Variants in TTN observed in about 807,000 individuals in gnomAD.
The protein encoded by TTN is titin.
Under a neutral mutation model 3,223.0 loss-of-function variants are expected in TTN, and 1,525 were observed. The ratio of observed to expected loss-of-function variants is 0.47; its 90% CI spans 0.45 to 0.49. The LOEUF is 0.49. Among genes scored for constraint, TTN ranks in the 20% least tolerant of loss-of-function variants. The pLI, the probability that TTN is intolerant of heterozygous loss-of-function variation, is 0.00. For missense variants in TTN, 40,786 were observed against 43,424.0 expected, an observed-to-expected ratio of 0.94 and a Z score of 5.40; for synonymous variants, 14,094 against 15,161.0, an observed-to-expected ratio of 0.93 and a Z score of 5.17.
chr2:178,707,924 TGTA>T (rs1184183378), intron 99 of TTN, 111 bp from the exon 100 acceptor site: 18 of 1,094,544 alleles, frequency 1.6e-5, no homozygotes, highest in Non-Finnish European at 2.0e-5. Flanking sequence ...ACACTGTTGC[TGTA>T]GTAGGACAGA....
chr2:178,757,667 G>C lies in TTN; in HGVS notation c.10553C>G (p.Ser3518Cys), dbSNP rs1277243327. The C allele has an allele frequency of 6.2e-7, 1 of 1,613,844 alleles. No individual in the cohort carries two copies. Among genetic ancestry groups the C allele is most frequent in the South Asian group, 1.1e-5 (1 of 91,074 alleles). The change falls in exon 45 of 363, where the codon TCC becomes TGC. Residue 3518 changes from serine (S) to cysteine (C), a missense_variant. By Grantham distance (112) the Ser-to-Cys change is moderately radical (BLOSUM62 -1). Transcript: ENST00000589042. ...TKDVVFHFEESTGMALMLIVD... is the reference protein window; with the variant it reads ...TKDVVFHFEECTGMALMLIVD... ...TATAAGCATTAAAGCCATGCCTGTGGACTCCTCAAAATGGAAAACTACATC... is the reference window on the plus strand; with the variant it reads ...TATAAGCATTAAAGCCATGCCTGTGCACTCCTCAAAATGGAAAACTACATC...
chr2:178,623,010 G>T (rs1215555669), intron 242 of TTN, among the ~76,000 whole-genome samples: 1 of 151,888 alleles, frequency 6.6e-6, no homozygotes, highest in Non-Finnish European at 1.5e-5. Flanking sequence ...ATGTGTGTGT[G>T]TACAGTATAT....
Position 178,705,333 on chromosome 2 carries a change from A to T in TTN, c.29445T>A (p.Ala9815=). 1 of 1,600,018 alleles carries T rather than the reference A, an allele frequency of 6.2e-7. No individual in the cohort carries two copies. ...LKKTPILKKG[A]GEEEEIDIME... ...TGATATCAATTTCCTCTTCTTCTCCAGCTCCTTTCTTTAAGATTGGAGTCC... is the reference window on the plus strand; with the variant it reads ...TGATATCAATTTCCTCTTCTTCTCCTGCTCCTTTCTTTAAGATTGGAGTCC... The change falls in exon 103 of 363, where the codon GCT becomes GCA. Residue 9815 remains alanine (A), a synonymous_variant. Coordinates refer to ENST00000589042, the MANE Select transcript of TTN (RefSeq NM_001267550.2).
Position 178,773,185 on chromosome 2 carries a change from A to G in TTN, c.7779T>C (p.Asn2593=), listed in dbSNP as rs776560501. 68 of 1,613,622 alleles carry G rather than the reference A, an allele frequency of 4.2e-5. No individual in the cohort carries two copies. Among genetic ancestry groups the G allele is most frequent in the Non-Finnish European group, 5.6e-5 (66 of 1,179,866 alleles). The change falls in exon 33 of 363, where the codon AAT becomes AAC. Residue 2593 remains asparagine, a synonymous_variant. Coordinates refer to ENST00000589042, the MANE Select transcript of TTN (RefSeq NM_001267550.2). ...ATTTTCCTTCATCATCTTTCATCAT[A>G]TTTAGAACTGTCAATTTATATATTT... ...HGKIYKLTVL[N]MMKDDEGKYT... is the part of the protein sequence containing the mutation.
rs775769975 is a variant in TTN, at chr2:178,547,481, C to T, written c.94145G>A (p.Arg31382His). Residue 31382 changes from arginine (R) to histidine (H), a missense_variant, in exon 339 of 363, where the codon CGT becomes CAT. Coordinates refer to ENST00000589042, the MANE Select transcript of TTN (RefSeq NM_001267550.2). ...ACCAAATCTGTTCTCTGAACTGACA[C>T]GGAAAGAATATTCCATGTATTTTGT... The part of the protein sequence containing the change: ...HLTKYMEYSF[R>H]VSSENRFGVS... 4.5e-5 allele frequency: 72 copies of T among 1,612,578 alleles called. No individual in the cohort carries two copies. Among genetic ancestry groups the T allele is most frequent in the East Asian group, 1.1e-4 (5 of 44,710 alleles).
chr2:178,740,359 G>A lies in TTN; in HGVS notation c.12874C>T (p.Pro4292Ser), dbSNP rs780192473. 6.2e-7 allele frequency: 1 copy of A among 1,613,646 alleles called. No homozygotes were observed. The highest frequency in any genetic ancestry group is 1.1e-5 in the South Asian group (1 of 91,066). Residue 4292 changes from proline to serine, a missense_variant, in exon 48 of 363, where the codon CCT becomes TCT. Coordinates refer to ENST00000589042, the MANE Select transcript of TTN (RefSeq NM_001267550.2). ...ISQVNYEPLV[P>S]SEHSCTEGGK... Reference sequence around the variant, plus strand: ...CCTTCTGTGCATGAGTGTTCTGAAGGGACTAGGGGCTCATAGTTTACCTGA... The same window carrying A: ...CCTTCTGTGCATGAGTGTTCTGAAGAGACTAGGGGCTCATAGTTTACCTGA...
rs370618537 is a variant in TTN at position 178,533,035 on chromosome 2, A to G, written c.103580T>C (p.Ile34527Thr). The change falls in exon 358 of 363, where the codon ATA (isoleucine) becomes ACA (threonine). Residue 34527 changes from isoleucine (I) to threonine (T), a missense_variant. Physicochemically the swap from Ile to Thr is moderately conservative, Grantham distance 89. Coordinates refer to ENST00000589042, the MANE Select transcript of TTN (RefSeq NM_001267550.2). ...KTVKGEFRLEIEEKKEERKLR... is the reference protein window; with the variant it reads ...KTVKGEFRLETEEKKEERKLR... The stretch of plus-strand genomic sequence containing the variant: ...TTTTCTCTCCTCCTTCTTTTCTTCT[A>G]TCTCAAGTCTGAATTCCCCTTTTAC... 3.7e-5 allele frequency: 60 copies of G among 1,613,502 alleles called. No homozygotes were observed. The highest frequency in any genetic ancestry group is 5.0e-5 in the Admixed American group (3 of 59,972).
In TTN at chr2:178,569,554, G is replaced by T; in HGVS notation, c.76578C>A (p.Gly25526=). The stretch of plus-strand genomic sequence containing the variant: ...TTATAGGAACAAATAACCTTAAGGA[G>T]CCACCTGCCCTTATATTTATGATTT... ...LRKIINIRAG[G]SLRLFVPIKG... is the part of the protein sequence containing the mutation. Residue 25526 remains glycine (G), a synonymous_variant, in exon 326 of 363, where the codon GGC becomes GGA. Transcript: ENST00000589042. 1 of 1,612,934 alleles carries T rather than the reference G, an allele frequency of 6.2e-7. No homozygotes were observed. The highest frequency in any genetic ancestry group is 1.1e-5 in the South Asian group (1 of 90,994).
In TTN at chr2:178,740,485, C is replaced by T. The variant is rs201437752; in HGVS notation, c.12748G>A (p.Val4250Met). The change falls in exon 48 of 363, where the codon GTG becomes ATG. Residue 4250 changes from valine to methionine, a missense_variant. Physicochemically the swap from Val to Met is conservative, Grantham distance 21 (BLOSUM62 1). Coordinates refer to ENST00000589042, the MANE Select transcript of TTN (RefSeq NM_001267550.2). ...TGTGCCTCTTGCTTTTGAAGAGTCA[C>T]TCTTTGCTCTCTGTTGGTGTCAGAT... ...TVSDTNREQR[V>M]TLQKQEAQSA... 1.2e-3 allele frequency: 1,865 copies of T among 1,613,718 alleles called. 4 individuals carry two copies. The highest frequency in any genetic ancestry group is 1.5e-3 in the Non-Finnish European group (1,722 of 1,179,792).
Position 178,573,160 on chromosome 2 carries a change from AG to A in TTN, c.72971del (p.Pro24324LeufsTer79). ...FYKACDTVFK[P>X]GPPGNPRVLD... ...GAACACGTGGGTTACCTGGTGGTCC[AG>A]GTTTAAACACAGTGTCACAAGCCTT... On this transcript the variant is annotated frameshift_variant, in exon 326 of 363. Transcript: ENST00000589042. LOFTEE classifies it high-confidence loss of function. 6.2e-7 allele frequency: 1 copy of A among 1,612,868 alleles called. No individual in the cohort carries two copies. The highest frequency in any genetic ancestry group is 8.5e-7 in the Non-Finnish European group (1 of 1,179,348).
intron 20 of TTN, 140 bp from the exon 21 acceptor site, chr2:178,781,403 T>A: frequency 2.1e-6 from 2 of 959,422 alleles, no homozygotes; most frequent in East Asian, 5.3e-5. Flanking sequence ...CAATAGATTA[T>A]AAGATTGCTG....
intron 143 of TTN, 93 bp from the exon 144 acceptor site, chr2:178,678,590 T>G: frequency 8.3e-7 from 1 of 1,198,290 alleles, no homozygotes; most frequent in South Asian, 1.6e-5. Flanking sequence ...GTAATAAAAG[T>G]ATGACAAAGG....
At position 178,589,098 on chromosome 2, in the gene TTN, A is replaced by C; in HGVS notation, c.62627T>G (p.Val20876Gly). The C allele has an allele frequency of 6.2e-7, 1 of 1,610,846 alleles. No homozygotes were observed. Among genetic ancestry groups the C allele is most frequent in the South Asian group, 1.1e-5 (1 of 91,070 alleles). ...GPVRNLKIVD[V>G]SSDRCTVCWD... ...GCAAACAGTACACCTATCACTGGACACATCAACAATTTTCAGATTTCTCAC... is the reference window on the plus strand; with the variant it reads ...GCAAACAGTACACCTATCACTGGACCCATCAACAATTTTCAGATTTCTCAC... The change falls in exon 304 of 363, where the codon GTG becomes GGG. Residue 20876 changes from valine to glycine, a missense_variant. Val to Gly is a moderately radical substitution (Grantham distance 109). Coordinates refer to ENST00000589042, the MANE Select transcript of TTN (RefSeq NM_001267550.2).
rs759705680 is a variant in TTN, at chr2:178,727,094, T to C, written c.20271A>G (p.Val6757=). 6.6e-7 allele frequency: 1 copy of C among 1,518,810 alleles called. No homozygotes were observed. The highest frequency in any genetic ancestry group is 8.9e-7 in the Non-Finnish European group (1 of 1,129,226). 94.1% of individuals were successfully genotyped at this position (1,518,810 alleles called of 1,614,324 possible). Reference sequence around the variant, plus strand: ...ACACAAGAACAAGATGTCTACCTTTTACTATAACCTTGGTACTGCAGCTTG... The same window carrying C: ...ACACAAGAACAAGATGTCTACCTTTCACTATAACCTTGGTACTGCAGCTTG... The part of the protein sequence containing the change: ...GSTSCSTKVI[V]KEPPVFSSFP... Residue 6757 remains valine, a synonymous_variant, in exon 69 of 363, where the codon GTA becomes GTG. Coordinates refer to ENST00000589042, the MANE Select transcript of TTN (RefSeq NM_001267550.2).
rs897932785 is a variant in TTN at position 178,526,388 on chromosome 2, G to A, written c.*624C>T. The A allele has an allele frequency of 6.6e-6, 1 of 152,640 alleles. No individual in the cohort carries two copies. The highest frequency in any genetic ancestry group is 2.4e-5 in the African/African-American group (1 of 41,446). The allele number at this position is 152,640 out of a possible 1,614,324, so 9.5% of individuals were successfully genotyped here. ...TTATGTCAGAGACAGCGTAAAATGA[G>A]CGAACAAAGTGTTGGCCGTTACACT... On this transcript the variant is annotated 3_prime_UTR_variant, in exon 363 of 363. Coordinates refer to ENST00000589042, the MANE Select transcript of TTN (RefSeq NM_001267550.2).
Position 178,534,679 on chromosome 2 carries a change from G to C in TTN, c.101936C>G (p.Pro33979Arg), listed in dbSNP as rs200238877. The change falls in exon 358 of 363, where the codon CCA becomes CGA. Residue 33979 changes from proline to arginine, a missense_variant. By Grantham distance (103) the Pro-to-Arg change is moderately radical. Transcript: ENST00000589042. ...GTGGACTTCAGGTGCATAGTATTCT[G>C]GGGCAGTGAATAGAAGCCTGAAGTT... ...GDNFRLLFTA[P>R]EYYAPEVHQH... 270 of 1,613,782 alleles carry C rather than the reference G, an allele frequency of 1.7e-4. No homozygotes were observed. In the African/African-American group the frequency reaches 3.4e-3, roughly 20 times the overall value.
At chr2:178,542,630 A>G (rs937377465) in intron 348 of TTN, 32 bp downstream of exon 348, 9 of 1,600,922 alleles carry the variant, frequency 5.6e-6, no homozygotes, top group Non-Finnish European at 7.7e-6. Flanking sequence ...ACTGAACATC[A>G]ACTTGCTTGT....
rs571837471 is a variant in TTN at position 178,780,402 on chromosome 2, A to G, written c.3524-197T>C. 3.9e-5 allele frequency among the ~76,000 whole-genome samples: 6 copies of G among 152,358 alleles called. No individual in the cohort carries two copies. In the East Asian group the frequency reaches 7.7e-4, roughly 20 times the overall value. ...CTAACACTAACAAATCCAACCAGCC[A>G]TTACAATTGTAGAAAGAATTTTATA... On this transcript the variant is annotated intron_variant, in intron 21 of 362. Coordinates refer to ENST00000589042, the MANE Select transcript of TTN (RefSeq NM_001267550.2).
chr2:178,778,942 AT>A lies in TTN; in HGVS notation c.4139del (p.Tyr1380LeufsTer17). On this transcript the variant is annotated frameshift_variant, in exon 24 of 363. Transcript: ENST00000589042. LOFTEE classifies it high-confidence loss of function. ...CTCCAAGTGGTGCAGCAGGCTCCAC[AT>A]ACAATTTCCCTGAGCAAATTGCATT... ...KGNAICSGKL[Y>X]VEPAAPLGAP... 6.2e-7 allele frequency: 1 copy of A among 1,614,042 alleles called. No homozygotes were observed. Among genetic ancestry groups the A allele is most frequent in the Non-Finnish European group, 8.5e-7 (1 of 1,179,938 alleles).
Sources: gnomAD v4.1 joint callset for allele counts (sites outside exome capture counted in the v4.1 genomes callset) on GRCh38, gnomAD v4.1.1 for gene constraint, MANE v1.5 for transcripts, NCBI Gene and HGNC (gene_info 2026-07-23, HGNC 2026-07-21) for gene names.